PPP2R2B: variants seen among roughly 807,000 people sequenced by gnomAD.
PPP2R2B encodes the protein serine/threonine-protein phosphatase 2A 55 kDa regulatory subunit B beta isoform.
PPP2R2B carries 5 observed loss-of-function variants against 46.0 expected under a neutral mutation model. The observed-to-expected ratio is 0.11, with a 90% CI of 0.06 to 0.23. The LOEUF (loss-of-function observed/expected upper bound fraction) is 0.23. Among genes scored for constraint, PPP2R2B ranks in the 10% least tolerant of loss-of-function variants. PPP2R2B has a pLI of 1.00. For synonymous variants in PPP2R2B, 215 were observed against 206.7 expected (o/e 1.04, Z -0.34); for missense variants, 367 against 575.0 (o/e 0.64, Z 3.70).
At chr5:146,599,433 G>T (rs1042971848) in intron 8 of PPP2R2B, among the ~76,000 whole-genome samples, 2 of 152,174 alleles carry the variant, frequency 1.3e-5, no homozygotes, top group Non-Finnish European at 2.9e-5. Context: ...ACAGTAAAAA[G>T]TAAAACTCAC....
intron 7 of PPP2R2B, among the ~76,000 whole-genome samples, chr5:146,636,468 T>C (rs910527337): frequency 1.1e-4 from 17 of 152,228 alleles, no homozygotes; most frequent in African/African-American, 4.1e-4. Flanking sequence ...AAATCTGTTG[T>C]GGTCAGCACC....
intron 6 of PPP2R2B, among the ~76,000 whole-genome samples, chr5:146,649,563 G>A (rs924562458): frequency 1.3e-5 from 2 of 152,132 alleles, no homozygotes; most frequent in Non-Finnish European, 2.9e-5. Context: ...TCCTGCCTCA[G>A]CCTCCCAAGT....
At chr5:146,921,150 G>A (rs555846716) in intron 1 of PPP2R2B, among the ~76,000 whole-genome samples, 1 of 152,294 alleles carries the variant, frequency 6.6e-6, no homozygotes, top group South Asian at 2.1e-4. Flanking sequence ...ATTAATATTT[G>A]TAAATCATCT....
intron 2 of PPP2R2B, among the ~76,000 whole-genome samples, chr5:146,788,563 G>A (rs568078971): frequency 2.6e-5 from 4 of 151,974 alleles, no homozygotes; most frequent in African/African-American, 4.8e-5. Context: ...AAACCCCGTC[G>A]CTACTGAAAA....
intron 2 of PPP2R2B, among the ~76,000 whole-genome samples, chr5:146,826,927 T>C (rs960684838): frequency 1.3e-5 from 2 of 152,194 alleles, no homozygotes; most frequent in African/African-American, 2.4e-5. Flanking sequence ...ATTAATTGGC[T>C]TTTCGAATCT....
At chr5:146,738,395 C>CAAAA (rs58520511) in intron 2 of PPP2R2B, among the ~76,000 whole-genome samples, 7 of 85,834 alleles carry the variant, frequency 8.2e-5, no homozygotes, top group Non-Finnish European at 1.3e-4. Context: ...GACTCAGTCT[C>CAAAA]AAAAAAAAAA....
chr5:146,852,857 G>A (rs1034214287), intron 2 of PPP2R2B, among the ~76,000 whole-genome samples: 2 of 152,134 alleles, frequency 1.3e-5, no homozygotes, highest in African/African-American at 2.4e-5. Flanking sequence ...CAAAAAAGCG[G>A]AGGCAGAGTA....
chr5:146,715,225 C>T (rs929363693), intron 2 of PPP2R2B, among the ~76,000 whole-genome samples: 1 of 152,076 alleles, frequency 6.6e-6, no homozygotes, highest in African/African-American at 2.4e-5. Flanking sequence ...TTGTAGATCT[C>T]CCTTCCAGGA....
At chr5:146,920,104 G>A (rs533098521) in intron 1 of PPP2R2B, among the ~76,000 whole-genome samples, 2 of 152,128 alleles carry the variant, frequency 1.3e-5, no homozygotes, top group African/African-American at 2.4e-5. Flanking sequence ...TAATCAGGCC[G>A]TACATGAAGG....
intron 1 of PPP2R2B, among the ~76,000 whole-genome samples, chr5:146,920,950 T>C (rs1032608179): frequency 6.6e-6 from 1 of 152,190 alleles, no homozygotes; most frequent in Non-Finnish European, 1.5e-5. Flanking sequence ...AATGGAAAAA[T>C]GTGTTAAGTA....
At chr5:146,907,866 C>T (rs1480608349) in intron 1 of PPP2R2B, among the ~76,000 whole-genome samples, 1 of 152,118 alleles carries the variant, frequency 6.6e-6, no homozygotes, top group Non-Finnish European at 1.5e-5. Context: ...CTTTCATTTC[C>T]ATAGTATGCA....
At position 146,887,178 on chromosome 5, in the gene PPP2R2B, A is replaced by G. The variant is rs552788951; in HGVS notation, c.79+168487T>C. ...AACATATAATCAATAAAGAATTACT[A>G]ATGACATATCTAAATTCTTTTCTTA... On this transcript the variant is annotated intron_variant, in intron 1 of 8. Transcript: ENST00000336640. Among the ~76,000 whole-genome samples the G allele has an allele frequency of 3.7e-3, 556 of 152,268 alleles. 7 individuals carry two copies. Among genetic ancestry groups the G allele is most frequent in the African/African-American group, 0.013 (534 of 41,574 alleles).
At chr5:146,851,146 C>A (rs1350498744) in intron 2 of PPP2R2B, among the ~76,000 whole-genome samples, 1 of 152,098 alleles carries the variant, frequency 6.6e-6, no homozygotes, top group Non-Finnish European at 1.5e-5. Flanking sequence ...TAAAGGTTCA[C>A]AATGGTGCCA....
chr5:147,081,150 A>T, intron 1 of PPP2R2B: 1 of 1,535,488 alleles, frequency 6.5e-7, no homozygotes, highest in Non-Finnish European at 8.7e-7. Context: ...AAAACAACAC[A>T]AGGAGACACT....
At position 146,919,903 on chromosome 5, in the gene PPP2R2B, C is replaced by G. The variant is rs561995498; in HGVS notation, c.79+135762G>C. ...ACGTTTATTTAGAAAATTAATTAAACCAGTTTGCGTATCATGGCAGCCACT... is the reference window on the plus strand; with the variant it reads ...ACGTTTATTTAGAAAATTAATTAAAGCAGTTTGCGTATCATGGCAGCCACT... On this transcript the variant is annotated intron_variant, in intron 1 of 8. Transcript: ENST00000336640. 18 of 152,194 alleles carry G rather than the reference C, an allele frequency of 1.2e-4. No individual in the cohort carries two copies. In the East Asian group the frequency reaches 3.5e-3, roughly 29 times the overall value. 9.4% of individuals were successfully genotyped at this position (152,194 alleles called of 1,614,324 possible). A position where few individuals can be genotyped will look rare whatever the true frequency, so the allele number is the denominator to read the frequency against.
At chr5:146,750,463 G>C (rs1001013356) in intron 2 of PPP2R2B, among the ~76,000 whole-genome samples, 2 of 152,000 alleles carry the variant, frequency 1.3e-5, no homozygotes, top group African/African-American at 4.8e-5. Context: ...GACGAACTAG[G>C]GTAACAAATT....
In PPP2R2B at chr5:147,051,318, A is replaced by AAGAG. The variant is rs368563037; in HGVS notation, c.79+4346_79+4347insCTCT. Among the ~76,000 whole-genome samples the AAGAG allele has an allele frequency of 1.1e-3, 165 of 152,272 alleles. 1 individual carries two copies. Among genetic ancestry groups the AAGAG allele is most frequent in the African/African-American group, 3.9e-3 (161 of 41,558 alleles). On this transcript the variant is annotated intron_variant, in intron 1 of 8. Coordinates refer to the PPP2R2B transcript ENST00000336640. ...TAACATGGAGACAATGGCGTTTAAT[A>AAGAG]AGACTGTTGTGAGGAGTGAATGAGA...
chr5:146,829,159 A>G (rs1192611006), intron 2 of PPP2R2B, among the ~76,000 whole-genome samples: 4 of 152,206 alleles, frequency 2.6e-5, no homozygotes, highest in Non-Finnish European at 5.9e-5. Context: ...GGGTGACATG[A>G]CCACCATATT....
intron 2 of PPP2R2B, among the ~76,000 whole-genome samples, chr5:147,076,398 A>G (rs922756459): frequency 3.3e-5 from 5 of 152,166 alleles, no homozygotes; most frequent in African/African-American, 1.2e-4. Context: ...GAGTGAATCA[A>G]TTAATGATCA....
Sources: allele counts gnomAD v4.1 joint callset (sites outside exome capture counted in the v4.1 genomes callset), GRCh38; gene constraint gnomAD v4.1.1; transcripts MANE v1.5; gene names NCBI Gene and HGNC (gene_info 2026-07-23, HGNC 2026-07-21).